DAB1: variants seen among roughly 807,000 people sequenced by gnomAD.
DAB1 encodes the protein DAB adaptor protein 1.
DAB1 carries 15 observed loss-of-function variants against 64.6 expected under a neutral mutation model. The observed-to-expected ratio is 0.23, with a 90% CI of 0.16 to 0.36. The LOEUF is 0.36. DAB1 is among the 10% of genes least tolerant of loss of function. The pLI is 1.00. For missense variants in DAB1, 596 were observed against 706.7 expected, an observed-to-expected ratio of 0.84 and a Z score of 1.78; for synonymous variants, 235 against 251.9, an observed-to-expected ratio of 0.93 and a Z score of 0.64.
chr1:57,612,979 T>C (rs1219078453), intron 7 of DAB1, among the ~76,000 whole-genome samples: 1 of 152,188 alleles, frequency 6.6e-6, no homozygotes, highest in African/African-American at 2.4e-5. Flanking sequence ...CTGTACCTTA[T>C]TGCTGTCCAC....
chr1:57,054,169 G>A (rs1033157139), intron 9 of DAB1, among the ~76,000 whole-genome samples: 4 of 152,190 alleles, frequency 2.6e-5, no homozygotes, highest in Admixed American at 1.3e-4. Flanking sequence ...GGAATGAAGA[G>A]AGGGGAAAAG....
intron 2 of DAB1, among the ~76,000 whole-genome samples, chr1:57,201,767 T>G (rs2100275418): frequency 6.6e-6 from 1 of 152,260 alleles, no homozygotes; most frequent in South Asian, 2.1e-4. Flanking sequence ...CATATTCAAC[T>G]GGAAGATCTG....
intron 4 of DAB1, among the ~76,000 whole-genome samples, chr1:58,269,004 A>AT (rs1231258213): frequency 2.0e-4 from 5 of 25,122 alleles, no homozygotes; most frequent in Admixed American, 1.0e-3. Flanking sequence ...CTCTTGTTTT[A>AT]TTTTTTTATT....
intron 7 of DAB1, among the ~76,000 whole-genome samples, chr1:57,603,451 T>C (rs1236475081): frequency 6.6e-6 from 1 of 152,206 alleles, no homozygotes; most frequent in African/African-American, 2.4e-5. Flanking sequence ...TTCTGTCAGA[T>C]AGCGTGAAGC....
At chr1:58,358,633 A>T (rs1199787371) in intron 3 of DAB1, among the ~76,000 whole-genome samples, 2 of 152,198 alleles carry the variant, frequency 1.3e-5, no homozygotes, top group Non-Finnish European at 2.9e-5. Flanking sequence ...ATGTATGAAG[A>T]AAACGATGGT....
chr1:57,737,170 C>A (rs1250928919), intron 6 of DAB1, among the ~76,000 whole-genome samples: 4 of 152,178 alleles, frequency 2.6e-5, no homozygotes, highest in Admixed American at 2.0e-4. Context: ...ACCCAACCCA[C>A]CTTTCTTCCA....
At chr1:57,629,175 C>T (rs1645958126) in intron 7 of DAB1, among the ~76,000 whole-genome samples, 1 of 152,172 alleles carries the variant, frequency 6.6e-6, no homozygotes, top group Admixed American at 6.5e-5. Context: ...TATTGCACTA[C>T]AGGAAAGGGA....
chr1:58,241,783 C>T (rs1660309586), intron 4 of DAB1, among the ~76,000 whole-genome samples: 1 of 152,006 alleles, frequency 6.6e-6, no homozygotes, highest in African/African-American at 2.4e-5. Flanking sequence ...TATTTCTCAC[C>T]TATCAAATTA....
intron 5 of DAB1, among the ~76,000 whole-genome samples, chr1:58,021,556 T>C (rs1469817654): frequency 1.3e-5 from 2 of 152,178 alleles, no homozygotes; most frequent in Non-Finnish European, 2.9e-5. Flanking sequence ...GAATAGATGG[T>C]GGACCAATTG....
intron 9 of DAB1, among the ~76,000 whole-genome samples, chr1:57,054,927 T>G (rs1215490115): frequency 6.6e-6 from 1 of 152,256 alleles, no homozygotes; most frequent in Non-Finnish European, 1.5e-5. Flanking sequence ...CTCTGAGCAC[T>G]GCTGAGTAGA....
At chr1:57,503,615 C>T (rs1375975807) in intron 7 of DAB1, among the ~76,000 whole-genome samples, 4 of 152,214 alleles carry the variant, frequency 2.6e-5, no homozygotes, top group African/African-American at 9.7e-5. Context: ...TCCTTCTCAA[C>T]CTCAACTCTA....
chr1:58,454,707 C>T (rs1645173502), intron 3 of DAB1, among the ~76,000 whole-genome samples: 1 of 152,172 alleles, frequency 6.6e-6, no homozygotes, highest in East Asian at 1.9e-4. Flanking sequence ...GCTGCCTTGT[C>T]CCCTCTGCTC....
chr1:58,349,418 T>C (rs757799116), intron 3 of DAB1, among the ~76,000 whole-genome samples: 5 of 150,712 alleles, frequency 3.3e-5, no homozygotes, highest in Non-Finnish European at 7.4e-5. Context: ...TAGTTCAACA[T>C]TTTGACTTGG....
At chr1:57,511,626 C>A (rs1033764129) in intron 7 of DAB1, among the ~76,000 whole-genome samples, 1 of 152,010 alleles carries the variant, frequency 6.6e-6, no homozygotes, top group Non-Finnish European at 1.5e-5. Context: ...GTCTGTTTCC[C>A]CCTGAGGAAT....
intron 3 of DAB1, among the ~76,000 whole-genome samples, chr1:58,354,407 C>A (rs925616427): frequency 6.6e-6 from 1 of 152,122 alleles, no homozygotes; most frequent in African/African-American, 2.4e-5. Flanking sequence ...TCTCTCGTAG[C>A]ATTTAAGGTG....
intron 8 of DAB1, 57 bp from the exon 9 acceptor site, chr1:57,063,000 A>T (rs1356252485): frequency 1.3e-6 from 2 of 1,505,068 alleles, no homozygotes; most frequent in African/African-American, 2.8e-5. Flanking sequence ...AATTTCAAAG[A>T]ACAAAGCAAC....
chr1:58,384,376 G>A (rs1447281641), intron 3 of DAB1, among the ~76,000 whole-genome samples: 2 of 152,174 alleles, frequency 1.3e-5, no homozygotes, highest in Non-Finnish European at 2.9e-5. Flanking sequence ...ATGAGGGGAT[G>A]AGGAGTTGTT....
Position 57,058,716 on chromosome 1 carries a change from A to C in DAB1, c.723+4168T>G, listed in dbSNP as rs1421271950. Among the ~76,000 whole-genome samples the C allele has an allele frequency of 3.3e-5, 5 of 152,220 alleles. No homozygotes were observed. In the East Asian group the frequency reaches 9.6e-4, roughly 29 times the overall value. ...TCACATCACCATTACATAGCTGAGA[A>C]GACCAAAGACCGAATAGAGCAAAGG... is the stretch of plus-strand genomic sequence containing the variant. On this transcript the variant is annotated intron_variant, in intron 9 of 14. Transcript: ENST00000371236.
chr1:57,501,902 T>C (rs1317640683), intron 7 of DAB1, among the ~76,000 whole-genome samples: 2 of 152,168 alleles, frequency 1.3e-5, no homozygotes, highest in Non-Finnish European at 2.9e-5. Flanking sequence ...GGGCCCCAAA[T>C]TGAGGCAGAA....
Sources: allele counts gnomAD v4.1 joint callset (sites outside exome capture counted in the v4.1 genomes callset), GRCh38; gene constraint gnomAD v4.1.1; transcripts MANE v1.5; gene names NCBI Gene and HGNC (gene_info 2026-07-23, HGNC 2026-07-21).